The following ABCA1 variants were observed in gnomAD, a reference collection of about 807,000 sequenced individuals.
The protein encoded by ABCA1 is phospholipid-transporting ATPase ABCA1.
In ABCA1, 133 loss-of-function variants were observed where a neutral mutation model predicts 262.5. That is an observed-to-expected ratio of 0.51 (90% CI 0.44 to 0.59). The LOEUF (loss-of-function observed/expected upper bound fraction) is 0.59, where lower values mean the gene tolerates loss of function less well. ABCA1 is among the 20% of genes least tolerant of loss of function. The pLI, the probability that ABCA1 is intolerant of heterozygous loss-of-function variation, is 0.00. For synonymous variants in ABCA1, 1,022 were observed against 1,043.5 expected (o/e 0.98, Z 0.40); for missense variants, 2,452 against 2,777.5 (o/e 0.88, Z 2.63).
chr9:104,819,469 T>C, intron 22 of ABCA1, 117 bp downstream of exon 22: 1 of 1,421,956 alleles, frequency 7.0e-7, no homozygotes, highest in Non-Finnish European at 9.9e-7. Context: ...TCTTCTGTGA[T>C]AACAGAAGAG....
At chr9:104,882,045 A>AAAAAAAAAAAAAAAAAAC (rs1838713362) in intron 5 of ABCA1, among the ~76,000 whole-genome samples, 1 of 149,026 alleles carries the variant, frequency 6.7e-6, no homozygotes, top group Non-Finnish European at 1.5e-5. Flanking sequence ...AAAAAAAAAA[A>AAAAAAAAAAAAAAAAAAC]AAAAAAAAAA....
At chr9:104,880,198 G>A (rs1838506317) in intron 5 of ABCA1, among the ~76,000 whole-genome samples, 1 of 152,136 alleles carries the variant, frequency 6.6e-6, no homozygotes, top group Admixed American at 6.5e-5. Context: ...CCCAGCCCTG[G>A]GAGAGACAGC....
Position 104,794,530 on chromosome 9 carries a change from A to AAAC in ABCA1, c.5383-21_5383-20insGTT. 1.9e-6 allele frequency: 3 copies of AAAC among 1,567,702 alleles called. No homozygotes were observed. The highest frequency in any genetic ancestry group is 1.7e-6 in the Non-Finnish European group (2 of 1,149,568). ...CAGCTTCTAAAAAAAAAAAAAAAAA[A>AAAC]TGGGAGGGAAGGGAGGGTGAGGGAG... On this transcript the variant is annotated intron_variant, in intron 39 of 49. Coordinates refer to ENST00000374736, the MANE Select transcript of ABCA1 (RefSeq NM_005502.4).
intron 5 of ABCA1, among the ~76,000 whole-genome samples, chr9:104,877,514 T>C (rs1317655471): frequency 2.0e-5 from 3 of 152,186 alleles, no homozygotes; most frequent in African/African-American, 7.2e-5. Context: ...TTTCTGGTTG[T>C]TTCACCAAAG....
In ABCA1 at chr9:104,919,246, G is replaced by A. The variant is rs556739867; in HGVS notation, c.-93+8689C>T. Among the ~76,000 whole-genome samples, 10 of 152,256 alleles carry A rather than the reference G, an allele frequency of 6.6e-5. No individual in the cohort carries two copies. In the South Asian group the frequency reaches 1.7e-3, roughly 25 times the overall value. On this transcript the variant is annotated intron_variant, in intron 1 of 49. Transcript: ENST00000374736. ...GGGTACTAGCATGCTATTCTTGAAG[G>A]ATGAATGAGCCTGAAGAGTTGGTTA... is the stretch of plus-strand genomic sequence containing the variant.
At chr9:104,803,384 G>A in intron 32 of ABCA1, 68 bp from the exon 33 acceptor site, 2 of 1,451,766 alleles carry the variant, frequency 1.4e-6, no homozygotes, top group Non-Finnish European at 1.9e-6. Context: ...TGATGCAAAA[G>A]GAGTAAATAT....
intron 1 of ABCA1, among the ~76,000 whole-genome samples, chr9:104,921,513 C>T (rs1842137873): frequency 6.6e-6 from 1 of 152,140 alleles, no homozygotes; most frequent in African/African-American, 2.4e-5. Flanking sequence ...GCCTCAGAAA[C>T]GGAAATGAAA....
intron 7 of ABCA1, among the ~76,000 whole-genome samples, chr9:104,847,432 GC>G (rs1308441494): frequency 6.6e-6 from 1 of 152,162 alleles, no homozygotes; most frequent in African/African-American, 2.4e-5. Context: ...ACAGTGCCTG[GC>G]ACATGGTAAT....
At chr9:104,864,585 C>CA (rs749096613) in intron 5 of ABCA1, among the ~76,000 whole-genome samples, 1 of 151,904 alleles carries the variant, frequency 6.6e-6, no homozygotes, top group Non-Finnish European at 1.5e-5. Context: ...AATGAAGGGT[C>CA]AAAAAAGGCC....
intron 5 of ABCA1, among the ~76,000 whole-genome samples, chr9:104,874,791 C>T (rs1375801071): frequency 7.4e-6 from 1 of 135,994 alleles, no homozygotes; most frequent in Non-Finnish European, 1.6e-5. Flanking sequence ...GGGCAGCCCC[C>T]GCCCGGCCAG....
intron 4 of ABCA1, 30 bp from the exon 5 acceptor site, chr9:104,883,187 C>G (rs749408080): frequency 6.3e-7 from 1 of 1,586,044 alleles, no homozygotes; most frequent in Non-Finnish European, 8.7e-7. Context: ...AGGCGAAAGG[C>G]TTTAGCTAGG....
At chr9:104,853,449 C>T (rs1329710312) in intron 7 of ABCA1, among the ~76,000 whole-genome samples, 1 of 152,184 alleles carries the variant, frequency 6.6e-6, no homozygotes, top group Non-Finnish European at 1.5e-5. Context: ...ACGAGGACAG[C>T]TCTCACTCTG....
At chr9:104,793,912 A>G (rs1443499969) in intron 40 of ABCA1, among the ~76,000 whole-genome samples, 2 of 152,226 alleles carry the variant, frequency 1.3e-5, no homozygotes, top group East Asian at 3.8e-4. Flanking sequence ...AATATTTTTA[A>G]CCATTCTAAA....
At chr9:104,891,168 TTTTA>T (rs750930984) in intron 2 of ABCA1, among the ~76,000 whole-genome samples, 114 of 152,294 alleles carry the variant, frequency 7.5e-4, no homozygotes, top group East Asian at 4.6e-3. Flanking sequence ...TTTTGGGTGT[TTTTA>T]TTTATTTATT....
chr9:104,785,490 A>T lies in ABCA1; in HGVS notation c.6551T>A (p.Leu2184Ter). 1 of 1,614,140 alleles carries T rather than the reference A, an allele frequency of 6.2e-7. No individual in the cohort carries two copies. The highest frequency in any genetic ancestry group is 8.5e-7 in the Non-Finnish European group (1 of 1,179,992). The change falls in exon 49 of 50, where the codon TTA becomes TAA. Residue 2184 changes from leucine to a stop codon, truncating the protein, a stop_gained. Transcript: ENST00000374736. LOFTEE classifies it high-confidence loss of function. Reference sequence around the variant, plus strand: ...GCTGAATATCCTGGCCAGAGAAGATAATGAAGATGGAAGCTGGTATTGTAG... The same window carrying T: ...GCTGAATATCCTGGCCAGAGAAGATTATGAAGATGGAAGCTGGTATTGTAG... ...NMLQYQLPSS[L>*]SSLARIFSIL...
chr9:104,910,677 C>A (rs1270020080), intron 1 of ABCA1, among the ~76,000 whole-genome samples: 1 of 152,162 alleles, frequency 6.6e-6, no homozygotes, highest in Non-Finnish European at 1.5e-5. Flanking sequence ...AAATTTCCAA[C>A]AACAGCTATC....
chr9:104,869,910 G>A (rs954700465), intron 5 of ABCA1, among the ~76,000 whole-genome samples: 4 of 143,278 alleles, frequency 2.8e-5, no homozygotes, highest in East Asian at 2.0e-4. Context: ...CTTCCTATAC[G>A]TGTGGGTTAA....
chr9:104,901,675 T>C (rs192418756), intron 2 of ABCA1, among the ~76,000 whole-genome samples: 3 of 152,184 alleles, frequency 2.0e-5, no homozygotes, highest in Admixed American at 6.5e-5. Context: ...AGATGGAGAA[T>C]AGGCAAAATA....
At chr9:104,818,032 A>G (rs977910652) in intron 23 of ABCA1, among the ~76,000 whole-genome samples, 1 of 152,144 alleles carries the variant, frequency 6.6e-6, no homozygotes, top group African/African-American at 2.4e-5. Flanking sequence ...GTCTGGTCCC[A>G]CCACTGTTAT....
Sources: allele counts gnomAD v4.1 joint callset (sites outside exome capture counted in the v4.1 genomes callset), GRCh38; gene constraint gnomAD v4.1.1; transcripts MANE v1.5; gene names NCBI Gene and HGNC (gene_info 2026-07-23, HGNC 2026-07-21).